The following BRINP1 variants were observed in gnomAD, a reference collection of about 807,000 sequenced individuals.
The protein encoded by BRINP1 is BMP/retinoic acid-inducible neural-specific protein 1.
A neutral mutation model predicts 72.9 loss-of-function variants in BRINP1; 17 were observed. The observed-to-expected ratio is 0.23, with a 90% CI of 0.16 to 0.35. The LOEUF is 0.35. Among genes scored for constraint, BRINP1 ranks in the 10% least tolerant of loss-of-function variants. The pLI is 1.00. For missense variants in BRINP1, 850 were observed against 1,001.6 expected, an observed-to-expected ratio of 0.85 and a Z score of 2.04; for synonymous variants, 418 against 378.5, an observed-to-expected ratio of 1.10 and a Z score of -1.21.
intron 2 of BRINP1, among the ~76,000 whole-genome samples, chr9:119,307,430 T>C (rs1831009724): frequency 6.6e-6 from 1 of 152,152 alleles, no homozygotes; most frequent in Non-Finnish European, 1.5e-5. Context: ...GAGGTTTGTA[T>C]ATCTATACCA....
chr9:119,318,847 GTGTGT>G (rs1564247107), intron 1 of BRINP1, among the ~76,000 whole-genome samples: 1,658 of 63,846 alleles, frequency 0.026, 14 homozygotes, highest in Non-Finnish European at 0.051. Flanking sequence ...TGTGTGGGGT[GTGTGT>G]GTGTGTGTGT....
intron 1 of BRINP1, among the ~76,000 whole-genome samples, chr9:119,350,397 C>T (rs568488378): frequency 3.2e-4 from 48 of 152,216 alleles, no homozygotes; most frequent in African/African-American, 1.1e-3. Flanking sequence ...CACACAGCCA[C>T]GTCAGTAACA....
intron 5 of BRINP1, among the ~76,000 whole-genome samples, chr9:119,235,225 A>C (rs1830182769): frequency 6.6e-6 from 1 of 152,164 alleles, no homozygotes; most frequent in Non-Finnish European, 1.5e-5. Context: ...CTTTTTAAAA[A>C]ACCATTCCAT....
intron 7 of BRINP1, among the ~76,000 whole-genome samples, chr9:119,185,350 C>A (rs1361111598): frequency 6.6e-6 from 1 of 152,156 alleles, no homozygotes; most frequent in African/African-American, 2.4e-5. Context: ...GCGGCTGAAA[C>A]CTTAAGATAA....
At chr9:119,182,678 A>T (rs1282923840) in intron 7 of BRINP1, among the ~76,000 whole-genome samples, 1 of 152,346 alleles carries the variant, frequency 6.6e-6, no homozygotes, top group East Asian at 1.9e-4. Context: ...CCAATCTACC[A>T]GTACCTTGAT....
intron 2 of BRINP1, chr9:119,283,129 C>T (rs1038716755): frequency 2.0e-6 from 2 of 984,618 alleles, no homozygotes; most frequent in Middle Eastern, 5.2e-4. Flanking sequence ...GCGTTCTCAC[C>T]GGCTGTGGTT....
rs1194150748 is a variant in BRINP1 at position 119,269,371 on chromosome 9, G to A, written c.219-20221C>T. On this transcript the variant is annotated intron_variant, in intron 2 of 7. Transcript: ENST00000265922. The stretch of plus-strand genomic sequence containing the variant: ...ATGATTCACCCTCCCCTTCCTCAGG[G>A]ACGTGAAGTGTTTTTAGCCTGAATT... 2.0e-5 allele frequency among the ~76,000 whole-genome samples: 3 copies of A among 152,112 alleles called. No individual in the cohort carries two copies. In the East Asian group the frequency reaches 5.8e-4, roughly 29 times the overall value.
chr9:119,218,838 C>T (rs1319712503), intron 5 of BRINP1, among the ~76,000 whole-genome samples: 1 of 150,920 alleles, frequency 6.6e-6, no homozygotes. Context: ...AGCCACAACT[C>T]GGCTGCCATG....
chr9:119,256,273 A>G (rs1442738578), intron 2 of BRINP1, among the ~76,000 whole-genome samples: 1 of 152,214 alleles, frequency 6.6e-6, no homozygotes, highest in East Asian at 1.9e-4. Flanking sequence ...CATTGTTGTT[A>G]TGATTACATG....
At chr9:119,359,977 A>G (rs371303003) in intron 1 of BRINP1, among the ~76,000 whole-genome samples, 11 of 152,352 alleles carry the variant, frequency 7.2e-5, no homozygotes, top group South Asian at 6.2e-4. Context: ...CTCTGCCTAC[A>G]TGTATCATTC....
intron 5 of BRINP1, among the ~76,000 whole-genome samples, chr9:119,224,654 T>C (rs1285702000): frequency 1.3e-5 from 2 of 152,112 alleles, no homozygotes; most frequent in Non-Finnish European, 2.9e-5. Flanking sequence ...CCAGATGTCT[T>C]CTTCATTTCA....
At chr9:119,208,648 A>C in intron 7 of BRINP1, 71 bp downstream of exon 7, 1 of 1,465,962 alleles carries the variant, frequency 6.8e-7, no homozygotes, top group Admixed American at 1.8e-5. Context: ...ATTGCATTTC[A>C]CTCTGCAGCA....
intron 1 of BRINP1, among the ~76,000 whole-genome samples, chr9:119,367,217 G>GTGTGTT (rs58962146): frequency 1.9e-5 from 1 of 52,204 alleles, no homozygotes; most frequent in African/African-American, 7.2e-5. Context: ...GTGTGTGTGT[G>GTGTGTT]ATTGATATAT....
At chr9:119,353,804 T>C (rs1281568242) in intron 1 of BRINP1, among the ~76,000 whole-genome samples, 1 of 147,460 alleles carries the variant, frequency 6.8e-6, no homozygotes, top group African/African-American at 2.5e-5. Flanking sequence ...CAAATTAAAC[T>C]TAATTTTGTT....
intron 7 of BRINP1, among the ~76,000 whole-genome samples, chr9:119,172,203 T>C (rs527269511): frequency 5.3e-5 from 8 of 152,250 alleles, no homozygotes; most frequent in African/African-American, 1.9e-4. Context: ...AGCTGGTTTT[T>C]TGAAAGGATC....
chr9:119,343,613 A>G (rs981570341), intron 1 of BRINP1, among the ~76,000 whole-genome samples: 2 of 151,896 alleles, frequency 1.3e-5, no homozygotes, highest in Non-Finnish European at 2.9e-5. Context: ...CTCATTCTTT[A>G]TCTCCATCTC....
At chr9:119,245,594 G>A (rs1357808488) in intron 3 of BRINP1, among the ~76,000 whole-genome samples, 2 of 152,110 alleles carry the variant, frequency 1.3e-5, no homozygotes, top group Non-Finnish European at 2.9e-5. Context: ...CCAAAAATCT[G>A]GAGATCCCAT....
At chr9:119,223,223 A>G (rs184815093) in intron 5 of BRINP1, among the ~76,000 whole-genome samples, 5 of 152,258 alleles carry the variant, frequency 3.3e-5, no homozygotes, top group Non-Finnish European at 7.4e-5. Context: ...GCTATTTTAT[A>G]TCTTGATTGT....
At chr9:119,270,505 T>G (rs1830596176) in intron 2 of BRINP1, among the ~76,000 whole-genome samples, 1 of 152,072 alleles carries the variant, frequency 6.6e-6, no homozygotes, top group South Asian at 2.1e-4. Flanking sequence ...TTTGTATTTT[T>G]AAGGAGTAAA....
Sources: gnomAD v4.1 joint callset for allele counts (sites outside exome capture counted in the v4.1 genomes callset) on GRCh38, gnomAD v4.1.1 for gene constraint, MANE v1.5 for transcripts, NCBI Gene and HGNC (gene_info 2026-07-23, HGNC 2026-07-21) for gene names.